The following FSTL4 variants were observed in gnomAD, a reference collection of about 807,000 sequenced individuals.
FSTL4 encodes the protein follistatin like 4.
Under a neutral mutation model 78.2 loss-of-function variants are expected in FSTL4, and 28 were observed. The observed-to-expected ratio is 0.36, with a 90% CI of 0.27 to 0.49. The LOEUF (loss-of-function observed/expected upper bound fraction) is 0.49, where lower values mean the gene tolerates loss of function less well. Ranked by LOEUF, FSTL4 falls within the 20% of genes least tolerant of loss-of-function variation. The pLI, the probability that FSTL4 is intolerant of heterozygous loss-of-function variation, is 0.98. For missense variants in FSTL4, 922 were observed against 1,084.9 expected, an observed-to-expected ratio of 0.85 and a Z score of 2.11; for synonymous variants, 422 against 440.5, an observed-to-expected ratio of 0.96 and a Z score of 0.53.
intron 3 of FSTL4, among the ~76,000 whole-genome samples, chr5:133,453,288 T>C (rs894057622): frequency 6.6e-6 from 1 of 152,184 alleles, no homozygotes; most frequent in Non-Finnish European, 1.5e-5. Flanking sequence ...ATCATCATCA[T>C]CATCATCATA....
At chr5:133,546,813 C>A (rs1045868781) in intron 3 of FSTL4, among the ~76,000 whole-genome samples, 16 of 152,148 alleles carry the variant, frequency 1.1e-4, no homozygotes, top group Admixed American at 2.6e-4. Context: ...TCTGCCAACC[C>A]AGCCACAGCT....
chr5:133,305,985 C>T (rs1487683616), intron 6 of FSTL4, among the ~76,000 whole-genome samples: 5 of 152,246 alleles, frequency 3.3e-5, no homozygotes, highest in African/African-American at 1.2e-4. Context: ...ACCTGCTGGC[C>T]TTCCCACGGT....
At chr5:133,356,618 T>G (rs958742456) in intron 4 of FSTL4, among the ~76,000 whole-genome samples, 1 of 151,996 alleles carries the variant, frequency 6.6e-6, no homozygotes, top group African/African-American at 2.4e-5. Flanking sequence ...CGTTGATGAG[T>G]AAGTATATGG....
At chr5:133,746,846 C>T in the FSTL4 span, among the ~76,000 whole-genome samples, 1 of 152,134 alleles carries the variant, frequency 6.6e-6, no homozygotes, top group Non-Finnish European at 1.5e-5. Flanking sequence ...AATCATTGCC[C>T]ACTGCTAAAC....
At chr5:133,794,238 T>C in the FSTL4 span, among the ~76,000 whole-genome samples, 1 of 152,244 alleles carries the variant, frequency 6.6e-6, no homozygotes, top group Non-Finnish European at 1.5e-5. Flanking sequence ...GAAGGGCTCA[T>C]GCTTTGGGTC....
the FSTL4 span, among the ~76,000 whole-genome samples, chr5:133,781,668 G>A: frequency 5.3e-5 from 8 of 152,176 alleles, no homozygotes; most frequent in Admixed American, 1.3e-4. Context: ...CTGCCACACT[G>A]TGTGTACCCT....
At chr5:133,385,507 C>A (rs1755678169) in intron 4 of FSTL4, among the ~76,000 whole-genome samples, 1 of 152,202 alleles carries the variant, frequency 6.6e-6, no homozygotes, top group Non-Finnish European at 1.5e-5. Flanking sequence ...GCCCCACAGG[C>A]TCCTGGTCCC....
intron 3 of FSTL4, among the ~76,000 whole-genome samples, chr5:133,487,907 C>T (rs1283224105): frequency 6.6e-6 from 1 of 152,182 alleles, no homozygotes; most frequent in African/African-American, 2.4e-5. Flanking sequence ...GGGCAAATCT[C>T]CCCACTGGTG....
intron 3 of FSTL4, among the ~76,000 whole-genome samples, chr5:133,454,464 A>G (rs942875339): frequency 6.6e-6 from 1 of 152,306 alleles, no homozygotes; most frequent in South Asian, 2.1e-4. Context: ...TCCACACACA[A>G]CTTCGGCATC....
At chr5:133,472,420 C>G (rs530121839) in intron 3 of FSTL4, among the ~76,000 whole-genome samples, 11 of 152,132 alleles carry the variant, frequency 7.2e-5, no homozygotes, top group Admixed American at 3.9e-4. Context: ...AAAGAACATT[C>G]TAGATTAGAA....
At chr5:133,413,255 C>T (rs142548976) in intron 3 of FSTL4, among the ~76,000 whole-genome samples, 93 of 152,214 alleles carry the variant, frequency 6.1e-4, no homozygotes, top group Non-Finnish European at 1.0e-3. Context: ...CCTTCTTATA[C>T]CTCAAATTCT....
the FSTL4 span, among the ~76,000 whole-genome samples, chr5:133,783,868 T>G: frequency 2.0e-5 from 3 of 152,060 alleles, no homozygotes; most frequent in Non-Finnish European, 4.4e-5. Flanking sequence ...TCCTTTCCAC[T>G]GCCCCCGCCC....
the FSTL4 span, among the ~76,000 whole-genome samples, chr5:133,658,207 G>T: frequency 6.6e-6 from 1 of 152,040 alleles, no homozygotes; most frequent in Non-Finnish European, 1.5e-5. Flanking sequence ...TCACATCTAT[G>T]TTCATAGGAA....
At chr5:133,838,000 G>A in the FSTL4 span, among the ~76,000 whole-genome samples, 1 of 152,100 alleles carries the variant, frequency 6.6e-6, no homozygotes, top group African/African-American at 2.4e-5. Context: ...AGATTCTCCT[G>A]CCTCAACCTC....
intron 6 of FSTL4, among the ~76,000 whole-genome samples, chr5:133,280,923 C>T (rs1284822547): frequency 6.6e-6 from 1 of 152,232 alleles, no homozygotes; most frequent in Admixed American, 6.5e-5. Flanking sequence ...CCCATAACTA[C>T]CCTATCTAGA....
intron 3 of FSTL4, among the ~76,000 whole-genome samples, chr5:133,533,526 G>C (rs569647157): frequency 6.6e-6 from 1 of 152,106 alleles, no homozygotes; most frequent in Non-Finnish European, 1.5e-5. Context: ...GATTACAGGC[G>C]TGAGCCACCA....
intron 2 of FSTL4, among the ~76,000 whole-genome samples, chr5:133,602,864 T>A (rs1043747954): frequency 1.3e-5 from 2 of 152,200 alleles, no homozygotes; most frequent in African/African-American, 4.8e-5. Flanking sequence ...GAAAGAGAAA[T>A]CATGTCTTTT....
At chr5:133,267,598 C>T (rs73279935) in intron 6 of FSTL4, among the ~76,000 whole-genome samples, 3,738 of 152,124 alleles carry the variant, frequency 0.025, 143 homozygotes, top group African/African-American at 0.086. Flanking sequence ...CTGGGGTGCC[C>T]TTGCTAAAGG....
At chr5:133,489,173 C>G (rs1359297065) in intron 3 of FSTL4, among the ~76,000 whole-genome samples, 2 of 152,224 alleles carry the variant, frequency 1.3e-5, no homozygotes, top group African/African-American at 2.4e-5. Flanking sequence ...AGTGATAGGG[C>G]AGACCCTCTG....
Sources: allele counts gnomAD v4.1 joint callset (sites outside exome capture counted in the v4.1 genomes callset), GRCh38; gene constraint gnomAD v4.1.1; transcripts MANE v1.5; gene names NCBI Gene and HGNC (gene_info 2026-07-23, HGNC 2026-07-21).